The following NREP variants were observed in gnomAD, a reference collection of about 807,000 sequenced individuals.
NREP encodes the protein neuronal regeneration related protein, also known as neuronal regeneration-related protein.
Under a neutral mutation model 8.6 loss-of-function variants are expected in NREP, and 5 were observed. The ratio of observed to expected loss-of-function variants is 0.58; its 90% CI spans 0.30 to 1.22. The LOEUF (loss-of-function observed/expected upper bound fraction) is 1.22, where lower values mean the gene tolerates loss of function less well. Among genes scored for constraint, NREP ranks in the 50% most tolerant of loss-of-function variants. The probability of loss-of-function intolerance (pLI) is 0.07; values close to 1 mark genes in which losing one functional copy is unlikely to be tolerated. For synonymous variants in NREP, 27 were observed against 28.0 expected, an observed-to-expected ratio of 0.96 and a Z score of 0.11; for missense variants, 86 against 82.5, an observed-to-expected ratio of 1.04 and a Z score of -0.17.
At chr5:111,923,495 T>C (rs542381498) in intron 2 of NREP, among the ~76,000 whole-genome samples, 2 of 152,182 alleles carry the variant, frequency 1.3e-5, no homozygotes, top group Non-Finnish European at 2.9e-5. Context: ...CAGATCCCTC[T>C]ACTAGTAGAG....
chr5:111,882,353 AT>A (rs1754103764), intron 2 of NREP, among the ~76,000 whole-genome samples: 1 of 152,208 alleles, frequency 6.6e-6, no homozygotes, highest in South Asian at 2.1e-4. Flanking sequence ...TCTACGTCTG[AT>A]TGGTGTACCT....
intron 2 of NREP, among the ~76,000 whole-genome samples, chr5:111,921,791 G>A (rs566920995): frequency 7.9e-5 from 12 of 152,244 alleles, no homozygotes; most frequent in South Asian, 2.1e-4. Flanking sequence ...GGAGGGACCC[G>A]GAGGGAGGTA....
chr5:111,970,240 A>G (rs1165669805), intron 2 of NREP, among the ~76,000 whole-genome samples: 4 of 152,042 alleles, frequency 2.6e-5, no homozygotes, highest in Non-Finnish European at 5.9e-5. Flanking sequence ...TTTTTTTGAA[A>G]TTATTTTGTG....
chr5:111,735,547 A>G (rs752954736), intron 2 of NREP, 40 bp from the exon 3 acceptor site: 1 of 1,449,040 alleles, frequency 6.9e-7, no homozygotes, highest in African/African-American at 1.4e-5. Flanking sequence ...GATTAAAAAC[A>G]GGATCCACTC....
intron 2 of NREP, among the ~76,000 whole-genome samples, chr5:111,797,329 A>C (rs555978822): frequency 6.6e-6 from 1 of 152,296 alleles, no homozygotes; most frequent in African/African-American, 2.4e-5. Context: ...TTTTTTGCTT[A>C]CACTCCAAAA....
At chr5:111,778,895 G>A (rs1245887688) in intron 2 of NREP, among the ~76,000 whole-genome samples, 1 of 152,070 alleles carries the variant, frequency 6.6e-6, no homozygotes, top group African/African-American at 2.4e-5. Flanking sequence ...CCAAGGATAA[G>A]AAGTTCACCA....
chr5:111,939,582 C>T (rs528823734), intron 2 of NREP, among the ~76,000 whole-genome samples: 2 of 152,100 alleles, frequency 1.3e-5, no homozygotes, highest in Admixed American at 6.5e-5. Flanking sequence ...TTCGAGTTGC[C>T]GCACGTGCAA....
At chr5:111,738,249 TAAGAG>T (rs1334880745) in intron 2 of NREP, 1 of 152,222 alleles carries the variant, frequency 6.6e-6, no homozygotes, top group East Asian at 1.9e-4. Context: ...GTGAAGAGCT[TAAGAG>T]AAAAGATCTA....
At chr5:111,938,229 CAT>C (rs1434574534) in intron 2 of NREP, among the ~76,000 whole-genome samples, 1 of 152,088 alleles carries the variant, frequency 6.6e-6, no homozygotes, top group Non-Finnish European at 1.5e-5. Flanking sequence ...TTCCCTCACT[CAT>C]AGTTTGTTTC....
intron 2 of NREP, among the ~76,000 whole-genome samples, chr5:111,883,729 T>C (rs1754151488): frequency 1.3e-5 from 2 of 151,992 alleles, no homozygotes; most frequent in South Asian, 4.2e-4. Flanking sequence ...GACTACTGGG[T>C]ACATAAAAAA....
At chr5:111,953,306 A>G (rs1342108395) in intron 2 of NREP, among the ~76,000 whole-genome samples, 1 of 152,132 alleles carries the variant, frequency 6.6e-6, no homozygotes, top group African/African-American at 2.4e-5. Flanking sequence ...TGCAGCAAAC[A>G]TGGCAGTGGG....
At position 111,866,524 on chromosome 5, in the gene NREP, G is replaced by T. The variant is rs562359154; in HGVS notation, c.135+108750C>A. ...AGGTGCTGGACAGGATGTGGAGAAA[G>T]AGGAACACTTACACTGTTGGTGGGA... is the stretch of plus-strand genomic sequence containing the variant. On this transcript the variant is annotated intron_variant, in intron 2 of 3. Transcript: ENST00000395634. 1.2e-4 allele frequency among the ~76,000 whole-genome samples: 19 copies of T among 152,222 alleles called. No homozygotes were observed. In the South Asian group the frequency reaches 2.1e-3, roughly 17 times the overall value.
intron 2 of NREP, among the ~76,000 whole-genome samples, chr5:111,807,170 T>C (rs1266342015): frequency 6.6e-6 from 1 of 152,148 alleles, no homozygotes; most frequent in Non-Finnish European, 1.5e-5. Flanking sequence ...GTCTTAAAAC[T>C]AACCCCCAAA....
chr5:111,738,205 C>G (rs192944004), intron 2 of NREP: 65 of 152,276 alleles, frequency 4.3e-4, no homozygotes, highest in African/African-American at 1.5e-3. Context: ...CAGCATTGTT[C>G]TTTCTTATAC....
intron 2 of NREP, among the ~76,000 whole-genome samples, chr5:111,866,903 C>A (rs1170577992): frequency 2.0e-5 from 3 of 151,614 alleles, no homozygotes; most frequent in Admixed American, 6.6e-5. Flanking sequence ...GGACAAAAAA[C>A]CAAACACCGC....
chr5:111,870,300 ACACCTGTAGTCC>A (rs1278534358), intron 2 of NREP, among the ~76,000 whole-genome samples: 3 of 152,068 alleles, frequency 2.0e-5, no homozygotes, highest in Non-Finnish European at 4.4e-5. Context: ...GTGGTGGCAC[ACACCTGTAGTCC>A]CAGCTACCCA....
At chr5:111,904,545 A>T (rs1282247526) in intron 2 of NREP, among the ~76,000 whole-genome samples, 1 of 152,084 alleles carries the variant, frequency 6.6e-6, no homozygotes, top group Non-Finnish European at 1.5e-5. Flanking sequence ...CTCACTAAGC[A>T]ATATTCATTT....
chr5:111,965,401 C>T (rs1756615337), intron 2 of NREP, among the ~76,000 whole-genome samples: 1 of 152,180 alleles, frequency 6.6e-6, no homozygotes. Context: ...TTGTATCTTT[C>T]ACCCATTTCT....
chr5:111,964,374 G>A (rs1417852034), intron 2 of NREP, among the ~76,000 whole-genome samples: 1 of 151,958 alleles, frequency 6.6e-6, no homozygotes, highest in Non-Finnish European at 1.5e-5. Context: ...CTGTTTTGGG[G>A]GGGTTTTCTT....
Sources: allele counts gnomAD v4.1 joint callset (sites outside exome capture counted in the v4.1 genomes callset), GRCh38; gene constraint gnomAD v4.1.1; transcripts MANE v1.5; gene names NCBI Gene and HGNC (gene_info 2026-07-23, HGNC 2026-07-21).